OR2AT4: variants seen among roughly 807,000 people sequenced by gnomAD.
The protein encoded by OR2AT4 is olfactory receptor 2AT4.
In OR2AT4, 6 loss-of-function variants were observed where a neutral mutation model predicts 10.3. That is an observed-to-expected ratio of 0.58 (90% confidence interval 0.32 to 1.15). OR2AT4 has a LOEUF of 1.15. Ranked by LOEUF, OR2AT4 falls within the 50% of genes most tolerant of loss-of-function variation. OR2AT4 has a pLI of 0.05. For missense variants in OR2AT4, 354 were observed against 393.8 expected, an observed-to-expected ratio of 0.90 and a Z score of 0.85; for synonymous variants, 145 against 159.1, an observed-to-expected ratio of 0.91 and a Z score of 0.67.
exon 2 of OR2AT4, chr11:75,088,901 C>A (rs781754756): frequency 5.5e-5 from 89 of 1,613,834 alleles, no homozygotes; most frequent in Non-Finnish European, 7.0e-5. Flanking sequence ...AGTCAAGGGG[C>A]AGGTCAGCCC....
exon 2 of OR2AT4, chr11:75,089,668 A>G (rs1204604056): frequency 3.7e-6 from 6 of 1,613,806 alleles, no homozygotes; most frequent in Non-Finnish European, 5.1e-6. Flanking sequence ...AATAGATAGA[A>G]GACGGGTGAG....
At chr11:75,088,367 A>G (rs1200903168) in exon 2 of OR2AT4, 1 of 156,036 alleles carries the variant, frequency 6.4e-6, no homozygotes, top group Non-Finnish European at 1.4e-5. Context: ...CACAATTTAA[A>G]TTCGTATTCT....
exon 2 of OR2AT4, chr11:75,087,377 T>C (rs1447450691): frequency 6.6e-6 from 1 of 152,156 alleles, no homozygotes. Context: ...TACGAACATA[T>C]AATTTATCTA....
At chr11:75,088,570 C>T in exon 2 of OR2AT4, 1 of 579,984 alleles carries the variant, frequency 1.7e-6, no homozygotes, top group Admixed American at 4.1e-5. Flanking sequence ...AATTTTTTGC[C>T]ATGAAGATTT....
chr11:75,096,763 A>C (rs1949350632), intron 1 of OR2AT4, 65 bp downstream of exon 1: 1 of 152,280 alleles, frequency 6.6e-6, no homozygotes, highest in Non-Finnish European at 1.5e-5. Flanking sequence ...AACCTCCCTG[A>C]GCCTATCTCC....
In OR2AT4 at chr11:75,082,895, CAT is replaced by C. The variant is rs1949272926; in HGVS notation, c.*5854_*5855del. The C allele has an allele frequency of 2.6e-5, 4 of 152,076 alleles. No homozygotes were observed. In the South Asian group the frequency reaches 8.3e-4, roughly 32 times the overall value. 9.4% of individuals were successfully genotyped at this position (152,076 alleles called of 1,614,324 possible). ...TCAGGAGTTTGAGACACTTGGGCAACATAGAGAGAACCTGTCTCTACAGAAAT... is the reference window on the plus strand; with the variant it reads ...TCAGGAGTTTGAGACACTTGGGCAACAGAGAGAACCTGTCTCTACAGAAAT... On this transcript the variant is annotated 3_prime_UTR_variant, in exon 2 of 2. Transcript: ENST00000641504.
intron 1 of OR2AT4, among the ~76,000 whole-genome samples, 167 bp from the exon 2 acceptor site, chr11:75,090,531 T>G (rs1424737169): frequency 6.6e-6 from 1 of 152,220 alleles, no homozygotes; most frequent in South Asian, 2.1e-4. Context: ...CAAAGTTAAC[T>G]AATAATCACC....
At chr11:75,089,538 C>T (rs772311147) in exon 2 of OR2AT4, 2 of 1,613,972 alleles carry the variant, frequency 1.2e-6, no homozygotes, top group African/African-American at 2.7e-5. Context: ...CTTGTGGAGG[C>T]TGGGCTCTGC....
chr11:75,096,531 C>A (rs961728300), intron 1 of OR2AT4, among the ~76,000 whole-genome samples: 9 of 152,214 alleles, frequency 5.9e-5, no homozygotes, highest in Non-Finnish European at 1.3e-4. Flanking sequence ...CAATGGACTG[C>A]AATTCCCTCA....
rs534636534 is a variant in OR2AT4, at chr11:75,091,961, A to G, written c.-651-1597T>C. On this transcript the variant is annotated intron_variant, in intron 1 of 1. Transcript: ENST00000641504. ...GAGAATAAGAAAAGGCAGGAACCAG[A>G]CTAGGAGAAGATATTTTCCTATTTT... 6.6e-5 allele frequency among the ~76,000 whole-genome samples: 10 copies of G among 152,380 alleles called. No individual in the cohort carries two copies. The South Asian group carries it at 1.9e-3, about 28-fold the overall frequency.
At chr11:75,088,935 A>G (rs1391332193) in exon 2 of OR2AT4, 1 of 1,614,226 alleles carries the variant, frequency 6.2e-7, no homozygotes, top group East Asian at 2.2e-5. Context: ...GGCTATGGCA[A>G]TAGATGAGTA....
exon 2 of OR2AT4, chr11:75,085,321 G>A (rs533476015): frequency 3.9e-5 from 6 of 152,056 alleles, no homozygotes; most frequent in Admixed American, 1.3e-4. Context: ...AAAAGAAATA[G>A]ATAATGGAAA....
chr11:75,088,827 G>C (rs141062926), exon 2 of OR2AT4: 8 of 1,610,050 alleles, frequency 5.0e-6, no homozygotes, highest in Non-Finnish European at 6.8e-6. Flanking sequence ...GTTTCTCAGC[G>C]TGTAAATGAG....
chr11:75,093,514 A>G (rs1591786497), intron 1 of OR2AT4, among the ~76,000 whole-genome samples: 1 of 152,344 alleles, frequency 6.6e-6, no homozygotes, highest in East Asian at 1.9e-4. Context: ...GTCCTCCCAC[A>G]GAACCGGAGA....
chr11:75,089,840 T>C (rs761485533), exon 2 of OR2AT4: 9 of 1,008,900 alleles, frequency 8.9e-6, no homozygotes, highest in Non-Finnish European at 1.3e-5. Flanking sequence ...GTAGGTAATA[T>C]AAGCAGAATT....
chr11:75,082,136 C>T (rs1218371766), exon 2 of OR2AT4: 1 of 152,134 alleles, frequency 6.6e-6, no homozygotes, highest in Non-Finnish European at 1.5e-5. Context: ...AACTCTAAGG[C>T]TACAGTAATC....
exon 2 of OR2AT4, chr11:75,088,980 G>A (rs1360110897): frequency 6.2e-7 from 1 of 1,614,228 alleles, no homozygotes; most frequent in Non-Finnish European, 8.5e-7. Flanking sequence ...GGAGCTGCAG[G>A]TGGAGAAGGC....
chr11:75,094,178 A>C (rs1223269028), intron 1 of OR2AT4, among the ~76,000 whole-genome samples: 1 of 151,798 alleles, frequency 6.6e-6, no homozygotes, highest in Non-Finnish European at 1.5e-5. Context: ...GGGCTTTCCC[A>C]TACTGTCATG....
In OR2AT4 at chr11:75,087,597, A is replaced by AAAC. The variant is rs754328650; in HGVS notation, c.*1151_*1153dup. On this transcript the variant is annotated 3_prime_UTR_variant, in exon 2 of 2. Coordinates refer to ENST00000641504, the Ensembl canonical transcript of OR2AT4. ...AGCAAGGCCTCTTCTCAGAACAGACAAACAACAACAACAACAAAAACTCCT... is the reference window on the plus strand; with the variant it reads ...AGCAAGGCCTCTTCTCAGAACAGACAAACAACAACAACAACAACAAAAACTCCT... 7 of 152,142 alleles carry AAAC rather than the reference A, an allele frequency of 4.6e-5. 1 individual carries two copies. In the South Asian group the frequency reaches 6.2e-4, roughly 13 times the overall value. The allele number at this position is 152,142 out of a possible 1,614,324, so 9.4% of individuals were successfully genotyped here. A position where few individuals can be genotyped will look rare whatever the true frequency, so the allele number is the denominator to read the frequency against.
Sources: gnomAD v4.1 joint callset for allele counts (sites outside exome capture counted in the v4.1 genomes callset) on GRCh38, gnomAD v4.1.1 for gene constraint, MANE v1.5 for transcripts, NCBI Gene and HGNC (gene_info 2026-07-23, HGNC 2026-07-21) for gene names.